The following MTDH variants were observed in gnomAD, a reference collection of about 807,000 sequenced individuals.
MTDH encodes the protein protein LYRIC.
Under a neutral mutation model 72.7 loss-of-function variants are expected in MTDH, and 34 were observed. The observed-to-expected ratio is 0.47, with a 90% CI of 0.36 to 0.62. The LOEUF (loss-of-function observed/expected upper bound fraction) is 0.62. Among genes scored for constraint, MTDH ranks in the 20% least tolerant of loss-of-function variants. The pLI, the probability that MTDH is intolerant of heterozygous loss-of-function variation, is 0.00. For missense variants in MTDH, 677 were observed against 699.4 expected (o/e 0.97, Z 0.36); for synonymous variants, 266 against 268.9 (o/e 0.99, Z 0.10).
intron 1 of MTDH, among the ~76,000 whole-genome samples, chr8:97,654,608 A>G (rs57781289): frequency 0.035 from 5,232 of 151,134 alleles, 277 homozygotes; most frequent in African/African-American, 0.12. Flanking sequence ...CGGAATGTGC[A>G]GGTTTGTTAC....
At chr8:97,671,694 T>G (rs896237481) in intron 2 of MTDH, among the ~76,000 whole-genome samples, 2 of 151,950 alleles carry the variant, frequency 1.3e-5, no homozygotes, top group African/African-American at 4.8e-5. Context: ...AATACAAAAA[T>G]TAGCTTGGCA....
intron 2 of MTDH, among the ~76,000 whole-genome samples, chr8:97,670,952 G>GTTTTTTTTTTTTT (rs1160758851): frequency 2.6e-5 from 2 of 77,990 alleles, no homozygotes; most frequent in Non-Finnish European, 4.7e-5. Flanking sequence ...TGTTGTTGTT[G>GTTTTTTTTTTTTT]TTTTTTTTTT....
intron 4 of MTDH, 142 bp downstream of exon 4, chr8:97,687,747 T>C (rs1813425011): frequency 2.9e-6 from 2 of 680,422 alleles, no homozygotes; most frequent in East Asian, 6.2e-5. Context: ...GAGAGTATTG[T>C]GAACCATGTA....
In MTDH at chr8:97,728,308, T is replaced by C. The variant is rs2131104051; in HGVS notation, c.*3638T>C. On this transcript the variant is annotated 3_prime_UTR_variant, in exon 12 of 12. Coordinates refer to ENST00000336273, the MANE Select transcript of MTDH (RefSeq NM_178812.4). ...ACAGTTCTCTTGTGGGGAGGGACTT[T>C]GTCAGTCATTTTGCATCTTAAGCTA... is the stretch of plus-strand genomic sequence containing the variant. 6.6e-6 allele frequency: 1 copy of C among 152,348 alleles called. No individual in the cohort carries two copies. Among genetic ancestry groups the C allele is most frequent in the Admixed American group, 6.5e-5 (1 of 15,292 alleles). The allele number at this position is 152,348 out of a possible 1,614,324, so 9.4% of individuals were successfully genotyped here.
chr8:97,690,411 T>C (rs1813551904), intron 5 of MTDH, among the ~76,000 whole-genome samples: 1 of 152,230 alleles, frequency 6.6e-6, no homozygotes. Context: ...TGTACACACA[T>C]ATATGTAAAA....
At chr8:97,691,240 A>G (rs1190838822) in intron 6 of MTDH, 52 bp downstream of exon 6, 1 of 1,289,434 alleles carries the variant, frequency 7.8e-7, no homozygotes. Flanking sequence ...AATCTTGTAC[A>G]TTTTTAATTT....
chr8:97,669,179 C>T (rs1204323592), intron 2 of MTDH, among the ~76,000 whole-genome samples: 2 of 152,092 alleles, frequency 1.3e-5, no homozygotes, highest in Non-Finnish European at 2.9e-5. Context: ...GACGGAGTCT[C>T]GCTCTGTTTC....
chr8:97,717,110 A>T (rs1814907549), intron 9 of MTDH, among the ~76,000 whole-genome samples: 1 of 152,224 alleles, frequency 6.6e-6, no homozygotes, highest in African/African-American at 2.4e-5. Flanking sequence ...GTAAGATTAC[A>T]GACTTCACCC....
intron 4 of MTDH, 95 bp downstream of exon 4, chr8:97,687,700 A>G (rs2131001904): frequency 9.1e-7 from 1 of 1,096,452 alleles, no homozygotes; most frequent in East Asian, 2.5e-5. Flanking sequence ...GACTATTTTG[A>G]ATGCTAACAT....
intron 6 of MTDH, among the ~76,000 whole-genome samples, chr8:97,693,515 G>C (rs998740324): frequency 6.6e-6 from 1 of 152,038 alleles, no homozygotes; most frequent in African/African-American, 2.4e-5. Context: ...TGTACTTTTA[G>C]TAGAGACAGG....
At chr8:97,699,379 G>A (rs537315486) in intron 6 of MTDH, among the ~76,000 whole-genome samples, 1 of 152,064 alleles carries the variant, frequency 6.6e-6, no homozygotes, top group African/African-American at 2.4e-5. Context: ...TGAGGCTGCA[G>A]TGAGCCACGA....
intron 2 of MTDH, among the ~76,000 whole-genome samples, chr8:97,678,565 C>T (rs1812943537): frequency 7.0e-6 from 1 of 143,710 alleles, no homozygotes; most frequent in Non-Finnish European, 1.5e-5. Context: ...CTCTTTCTCT[C>T]TCTGTTTCCT....
intron 2 of MTDH, among the ~76,000 whole-genome samples, chr8:97,661,935 GA>G (rs913003886): frequency 7.7e-6 from 1 of 130,044 alleles, no homozygotes; most frequent in African/African-American, 2.9e-5. Flanking sequence ...AAAAAAAAAA[GA>G]AAAAAGATAT....
intron 2 of MTDH, among the ~76,000 whole-genome samples, chr8:97,677,004 C>CAAAAAAAA (rs57430782): frequency 0.016 from 370 of 23,302 alleles, 95 homozygotes; most frequent in East Asian, 0.058. Context: ...GACTCTATCT[C>CAAAAAAAA]AAAAAAAAAA....
At chr8:97,661,735 G>A (rs1217315015) in intron 2 of MTDH, among the ~76,000 whole-genome samples, 1 of 152,060 alleles carries the variant, frequency 6.6e-6, no homozygotes, top group Non-Finnish European at 1.5e-5. Flanking sequence ...TTGAGCCCAG[G>A]AGTTTGAGAT....
chr8:97,675,771 C>T (rs922533384), intron 2 of MTDH, among the ~76,000 whole-genome samples: 5 of 147,640 alleles, frequency 3.4e-5, no homozygotes, highest in Non-Finnish European at 7.5e-5. Flanking sequence ...CCTTCGGAGG[C>T]TGAGGTGAGA....
At chr8:97,694,005 A>G (rs1813723694) in intron 6 of MTDH, among the ~76,000 whole-genome samples, 2 of 152,082 alleles carry the variant, frequency 1.3e-5, no homozygotes, top group South Asian at 2.1e-4. Flanking sequence ...GTGGGCCACC[A>G]CATCTGCCTA....
intron 1 of MTDH, among the ~76,000 whole-genome samples, chr8:97,657,178 T>C (rs910328230): frequency 6.6e-6 from 1 of 152,018 alleles, no homozygotes; most frequent in African/African-American, 2.4e-5. Context: ...GATCCAGGTG[T>C]GGGGGTCGAA....
chr8:97,670,560 G>A (rs1812570520), intron 2 of MTDH, among the ~76,000 whole-genome samples: 1 of 152,026 alleles, frequency 6.6e-6, no homozygotes, highest in Non-Finnish European at 1.5e-5. Context: ...GGAGGTGGAG[G>A]TTGCAGCGAG....
Sources: allele counts gnomAD v4.1 joint callset (sites outside exome capture counted in the v4.1 genomes callset), GRCh38; gene constraint gnomAD v4.1.1; transcripts MANE v1.5; gene names NCBI Gene and HGNC (gene_info 2026-07-23, HGNC 2026-07-21).